CFI: variants seen among roughly 807,000 people sequenced by gnomAD.
CFI encodes the protein complement factor I, also known as C3B/C4B inactivator.
A neutral mutation model predicts 78.8 loss-of-function variants in CFI; 66 were observed. The observed-to-expected ratio is 0.84, with a 90% CI of 0.69 to 1.03. CFI has a LOEUF of 1.03. Ranked by LOEUF, CFI falls within the 50% of genes least tolerant of loss-of-function variation. The probability of loss-of-function intolerance (pLI) is 0.00; values close to 1 mark genes in which losing one functional copy is unlikely to be tolerated. For missense variants in CFI, 706 were observed against 704.5 expected, an observed-to-expected ratio of 1.00 and a Z score of -0.02; for synonymous variants, 250 against 232.6, an observed-to-expected ratio of 1.07 and a Z score of -0.68.
chr4:109,797,450 T>C (rs1213438409), intron 1 of CFI, among the ~76,000 whole-genome samples: 1 of 152,194 alleles, frequency 6.6e-6, no homozygotes, highest in Non-Finnish European at 1.5e-5. Context: ...GACTTACACA[T>C]ACACCTGAAA....
At chr4:109,747,041 G>A (rs1210464637) in intron 10 of CFI, among the ~76,000 whole-genome samples, 1 of 152,180 alleles carries the variant, frequency 6.6e-6, no homozygotes. Flanking sequence ...CAGAGATGGG[G>A]TCTGATTCAT....
rs757809329 is a variant in CFI at position 109,764,526 on chromosome 4, C to G, written c.482+11G>C. On this transcript the variant is annotated intron_variant, in intron 3 of 12. Transcript: ENST00000394634. ...TCAGCCATGAGAAAATCCACTGATA[C>G]AAGCGCTCACTGTTGAAACCCAAGG... is the stretch of plus-strand genomic sequence containing the variant. 1.9e-6 allele frequency: 3 copies of G among 1,613,922 alleles called. No homozygotes were observed. The highest frequency in any genetic ancestry group is 3.3e-5 in the Admixed American group (2 of 60,026).
rs752000610 is a variant in CFI at position 109,746,257 on chromosome 4, T to C, written c.1394A>G (p.Asp465Gly). Residue 465 changes from aspartate (D) to glycine (G), a missense_variant, in exon 11 of 13, where the codon GAT becomes GGT. Transcript: ENST00000394634. ...TCCCCAGCCAGAAACGATGCATGTA[T>C]CATTAGGTTGGAATAGGTAAGGAGA... ...PWSPYLFQPN[D>G]TCIVSGWGRE... is the part of the protein sequence containing the mutation. 1 of 1,614,182 alleles carries C rather than the reference T, an allele frequency of 6.2e-7. No individual in the cohort carries two copies. Among genetic ancestry groups the C allele is most frequent in the South Asian group, 1.1e-5 (1 of 91,084 alleles).
intron 1 of CFI, among the ~76,000 whole-genome samples, chr4:109,787,878 GA>G (rs1179153914): frequency 2.0e-5 from 3 of 151,950 alleles, no homozygotes; most frequent in Non-Finnish European, 4.4e-5. Context: ...ATTTTTAATA[GA>G]TTTTTTTGAA....
rs766442172 is a variant in CFI at position 109,768,513 on chromosome 4, T to TAA, written c.58-1690_58-1689insTT. Among the ~76,000 whole-genome samples the TAA allele has an allele frequency of 2.6e-5, 4 of 152,244 alleles. No homozygotes were observed. The South Asian group carries it at 6.2e-4, about 24-fold the overall frequency. ...ATTAGAAATACTATGTTTGTAATGG[T>TAA]TGACAGGTACTAGGCATAAAATTAA... On this transcript the variant is annotated intron_variant, in intron 1 of 12. Coordinates refer to ENST00000394634, the MANE Select transcript of CFI (RefSeq NM_000204.5).
intron 1 of CFI, among the ~76,000 whole-genome samples, chr4:109,796,438 C>T (rs1032688280): frequency 1.3e-5 from 2 of 152,116 alleles, no homozygotes; most frequent in Admixed American, 6.5e-5. Flanking sequence ...CTGCAGGATA[C>T]AAAAACAACA....
downstream of CFI, among the ~76,000 whole-genome samples, chr4:109,737,851 C>T (rs369664098): frequency 1.5e-4 from 23 of 152,286 alleles, no homozygotes; most frequent in East Asian, 1.9e-3. Context: ...GAATTAGGAG[C>T]GCTGAGACAG....
At chr4:109,766,031 T>A (rs1425627402) in intron 2 of CFI, among the ~76,000 whole-genome samples, 3 of 151,946 alleles carry the variant, frequency 2.0e-5, no homozygotes. Context: ...GGCAGGAGAA[T>A]GGCATGAACC....
intron 8 of CFI, among the ~76,000 whole-genome samples, chr4:109,750,079 C>G (rs951347880): frequency 6.6e-6 from 1 of 152,064 alleles, no homozygotes; most frequent in Non-Finnish European, 1.5e-5. Context: ...TCACTGCAAC[C>G]TCCGCCTCCC....
chr4:109,738,068 C>T (rs1460621727), downstream of CFI, among the ~76,000 whole-genome samples: 2 of 151,630 alleles, frequency 1.3e-5, no homozygotes, highest in Non-Finnish European at 2.9e-5. Context: ...GCTGAGGATG[C>T]CCTATATGCT....
At chr4:109,770,592 C>A (rs1728453092) in intron 1 of CFI, among the ~76,000 whole-genome samples, 1 of 142,544 alleles carries the variant, frequency 7.0e-6, no homozygotes, top group African/African-American at 2.6e-5. Flanking sequence ...AACCGCTTTA[C>A]TGGTTTTGCC....
intron 4 of CFI, among the ~76,000 whole-genome samples, chr4:109,761,309 T>C (rs1457396347): frequency 6.6e-6 from 1 of 152,180 alleles, no homozygotes; most frequent in Non-Finnish European, 1.5e-5. Context: ...TTCCCATATG[T>C]GAACCTGTAG....
intron 1 of CFI, among the ~76,000 whole-genome samples, chr4:109,768,334 T>TAA (rs756365540): frequency 0.018 from 1,116 of 63,166 alleles, 37 homozygotes; most frequent in African/African-American, 0.065. Context: ...GAAGAAATCC[T>TAA]AAAAAAAAAA....
intron 11 of CFI, among the ~76,000 whole-genome samples, chr4:109,744,827 G>A (rs1042581259): frequency 6.6e-6 from 1 of 152,144 alleles, no homozygotes; most frequent in African/African-American, 2.4e-5. Flanking sequence ...AAAATTGGAT[G>A]ATGGATAAGT....
rs769602593 is a variant in CFI at position 109,741,028 on chromosome 4, A to G, written c.1617T>C (p.Tyr539=). The change falls in exon 13 of 13, where the codon TAT becomes TAC. Residue 539 remains tyrosine (Y), a synonymous_variant. Transcript: ENST00000394634. ...CCCCCCAACTCACAACACCCCAGAC[A>G]TAAGTCACATTGTTGGCATCCATAC... The part of the protein sequence containing the change: ...LVCMDANNVT[Y]VWGVVSWGEN... 1.9e-5 allele frequency: 30 copies of G among 1,614,102 alleles called. 1 individual carries two copies. In the Middle Eastern group the frequency reaches 8.2e-4, roughly 44 times the overall value.
chr4:109,800,635 G>A (rs1034768930), intron 1 of CFI, among the ~76,000 whole-genome samples: 4 of 151,906 alleles, frequency 2.6e-5, no homozygotes, highest in Admixed American at 6.6e-5. Flanking sequence ...CAGTAAAACC[G>A]AAAACAGAAA....
intron 11 of CFI, among the ~76,000 whole-genome samples, chr4:109,743,444 T>C (rs1724046996): frequency 6.6e-6 from 1 of 152,158 alleles, no homozygotes; most frequent in South Asian, 2.1e-4. Context: ...GAATTTTAAC[T>C]ACTAGACTTT....
At chr4:109,764,422 G>T in intron 3 of CFI, 115 bp downstream of exon 3, 2 of 1,179,700 alleles carry the variant, frequency 1.7e-6, no homozygotes, top group Non-Finnish European at 2.5e-6. Context: ...GATGCACATA[G>T]TTAATTTTCT....
rs894034093 is a variant in CFI, at chr4:109,757,951, G to A, written c.884-168C>T. Reference sequence around the variant, plus strand: ...AATGATTTACCTTGAATTGTAGGATGTCTAGCTGCTAAAACAAAAAACAAA... The same window carrying A: ...AATGATTTACCTTGAATTGTAGGATATCTAGCTGCTAAAACAAAAAACAAA... On this transcript the variant is annotated intron_variant, in intron 6 of 12. Transcript: ENST00000394634. The A allele has an allele frequency of 1.8e-5, 27 of 1,463,660 alleles. No homozygotes were observed. The Admixed American group carries it at 2.4e-4, about 13-fold the overall frequency. The allele number at this position is 1,463,660 out of a possible 1,614,324, so 90.7% of individuals were successfully genotyped here.
Sources: gnomAD v4.1 joint callset for allele counts (sites outside exome capture counted in the v4.1 genomes callset) on GRCh38, gnomAD v4.1.1 for gene constraint, MANE v1.5 for transcripts, NCBI Gene and HGNC (gene_info 2026-07-23, HGNC 2026-07-21) for gene names.